The following FBLN2 variants were observed in gnomAD, a reference collection of about 807,000 sequenced individuals.
FBLN2 encodes fibulin 2.
A neutral mutation model predicts 123.7 loss-of-function variants in FBLN2; 81 were observed. The observed-to-expected ratio is 0.65, with a 90% CI of 0.55 to 0.79. The LOEUF (loss-of-function observed/expected upper bound fraction) is 0.79. Ranked by LOEUF, FBLN2 falls within the 30% of genes least tolerant of loss-of-function variation. The probability of loss-of-function intolerance (pLI) is 0.00; values close to 1 mark genes in which losing one functional copy is unlikely to be tolerated. For missense variants in FBLN2, 1,603 were observed against 1,681.3 expected (o/e 0.95, Z 0.81); for synonymous variants, 699 against 701.4 (o/e 1.00, Z 0.05).
chr3:13,586,732 C>G (rs995361109), intron 2 of FBLN2, among the ~76,000 whole-genome samples: 14 of 147,038 alleles, frequency 9.5e-5, no homozygotes, highest in Admixed American at 8.9e-4. Context: ...TGGTTGCTAA[C>G]TCCTGAGCTC....
intron 5 of FBLN2, among the ~76,000 whole-genome samples, chr3:13,616,284 G>A (rs1204852260): frequency 1.3e-5 from 2 of 152,312 alleles, no homozygotes; most frequent in East Asian, 1.9e-4. Context: ...GAGGAAGTCC[G>A]GCTTCAAAAG....
At chr3:13,616,662 G>A (rs1574986660) in intron 5 of FBLN2, among the ~76,000 whole-genome samples, 1 of 152,344 alleles carries the variant, frequency 6.6e-6, no homozygotes, top group East Asian at 1.9e-4. Flanking sequence ...GGGTGGGAAG[G>A]AGGCCCTGGG....
At chr3:13,574,868 G>A (rs531669071) in intron 2 of FBLN2, among the ~76,000 whole-genome samples, 53 of 152,216 alleles carry the variant, frequency 3.5e-4, no homozygotes, top group African/African-American at 1.3e-3. Context: ...CCCACCCGCT[G>A]GGCTTCCATC....
intron 10 of FBLN2, 30 bp from the exon 11 acceptor site, chr3:13,627,802 A>T (rs1559426153): frequency 1.2e-6 from 2 of 1,601,074 alleles, no homozygotes; most frequent in Non-Finnish European, 8.5e-7. Flanking sequence ...CCTGCCCCCC[A>T]GCCCTTGACA....
At chr3:13,613,218 G>A (rs1705462695) in intron 4 of FBLN2, among the ~76,000 whole-genome samples, 1 of 152,298 alleles carries the variant, frequency 6.6e-6, no homozygotes, top group South Asian at 2.1e-4. Context: ...CATTCTATTG[G>A]CCAAAGCAAG....
chr3:13,588,247 G>T (rs1704569042), intron 2 of FBLN2, among the ~76,000 whole-genome samples: 1 of 152,238 alleles, frequency 6.6e-6, no homozygotes, highest in African/African-American at 2.4e-5. Flanking sequence ...GGACAGGTGT[G>T]TCGCCTAGGA....
rs539708416 is a variant in FBLN2, at chr3:13,581,223, G to A, written c.1306+9562G>A. 2.4e-3 allele frequency among the ~76,000 whole-genome samples: 351 copies of A among 144,788 alleles called. 2 individuals carry two copies. Among genetic ancestry groups the A allele is most frequent in the African/African-American group, 8.9e-3 (334 of 37,644 alleles). The allele number at this position is 144,788 out of a possible 152,430, so 95.0% of individuals were successfully genotyped here. On this transcript the variant is annotated intron_variant, in intron 2 of 17. Transcript: ENST00000404922. ...AAGTCAGGGGCGGCAGGTGGGGGGT[G>A]GGGGGGAGGTGTGGGCCTGGGGCAC...
In FBLN2 at chr3:13,570,834, G is replaced by C; in HGVS notation, c.479G>C (p.Cys160Ser). 1 of 1,607,410 alleles carries C rather than the reference G, an allele frequency of 6.2e-7. No homozygotes were observed. The highest frequency in any genetic ancestry group is 8.5e-7 in the Non-Finnish European group (1 of 1,177,532). ...HTVHLPPCRA[C>S]HCPDAGGELI... ...GTTCACCTGCCGCCCTGCCGGGCCTGCCACTGCCCTGACGCCGGTGGAGAG... is the reference window on the plus strand; with the variant it reads ...GTTCACCTGCCGCCCTGCCGGGCCTCCCACTGCCCTGACGCCGGTGGAGAG... Residue 160 changes from cysteine to serine, a missense_variant, in exon 2 of 18, where the codon TGC becomes TCC. By Grantham distance (112) the Cys-to-Ser change is moderately radical. Transcript: ENST00000404922.
Position 13,629,962 on chromosome 3 carries a change from C to T in FBLN2, c.2968+17C>T. On this transcript the variant is annotated intron_variant, in intron 14 of 17. Transcript: ENST00000404922. ...GCTGTGAAGGTAGGCTGGCCCTCAT[C>T]TCTGACCCTATGCCGCCTGGTATCT... 6.2e-7 allele frequency: 1 copy of T among 1,609,652 alleles called. No individual in the cohort carries two copies.
At position 13,628,880 on chromosome 3, in the gene FBLN2, C is replaced by G. The variant is rs759489597; in HGVS notation, c.2570-25C>G. On this transcript the variant is annotated intron_variant, in intron 11 of 17. Coordinates refer to ENST00000404922, the MANE Select transcript of FBLN2 (RefSeq NM_001004019.2). ...CTGGGAGGACACCATGCCGGGCTCC[C>G]TGTCACCTACACCTGCCTCTGCAGA... 3.7e-6 allele frequency: 6 copies of G among 1,606,394 alleles called. No homozygotes were observed. In the African/African-American group the frequency reaches 5.4e-5, roughly 14 times the overall value.
intron 8 of FBLN2, among the ~76,000 whole-genome samples, chr3:13,620,743 G>A (rs201866592): frequency 1.3e-5 from 2 of 152,352 alleles, no homozygotes; most frequent in East Asian, 3.9e-4. Context: ...AGACCCTGGT[G>A]GGTGTCTGGG....
At chr3:13,563,649 C>T (rs544399970) in intron 1 of FBLN2, among the ~76,000 whole-genome samples, 67 of 152,366 alleles carry the variant, frequency 4.4e-4, no homozygotes, top group Admixed American at 1.6e-3. Flanking sequence ...TAAGACAGTG[C>T]GCAGCTCACA....
chr3:13,634,288 G>A (rs1045495645), intron 16 of FBLN2, among the ~76,000 whole-genome samples: 1 of 152,238 alleles, frequency 6.6e-6, no homozygotes, highest in African/African-American at 2.4e-5. Context: ...TGGATACGGG[G>A]CCTAGTCCAG....
At chr3:13,563,602 G>GT (rs1298899087) in intron 1 of FBLN2, among the ~76,000 whole-genome samples, 7 of 152,164 alleles carry the variant, frequency 4.6e-5, no homozygotes, top group African/African-American at 1.7e-4. Context: ...GCCCTCAAGC[G>GT]TCCCTGCCTC....
Position 13,629,272 on chromosome 3 carries a change from C to T in FBLN2, c.2822C>T (p.Ala941Val), listed in dbSNP as rs1238490381. The T allele has an allele frequency of 5.0e-6, 8 of 1,611,644 alleles. No homozygotes were observed. The highest frequency in any genetic ancestry group is 6.8e-6 in the Non-Finnish European group (8 of 1,179,348). The part of the protein sequence containing the change: ...CDCKAGFQRD[A>V]FGRGCIDVNE... ...TGCAAAGCCGGCTTTCAGCGGGATG[C>T]CTTTGGCCGGGGCTGCATCGGTAGG... The change falls in exon 13 of 18, where the codon GCC becomes GTC. Residue 941 changes from alanine to valine, a missense_variant. By Grantham distance (64) the Ala-to-Val change is moderately conservative. Transcript: ENST00000404922.
At chr3:13,567,103 G>C (rs1426901301) in intron 1 of FBLN2, among the ~76,000 whole-genome samples, 1 of 152,098 alleles carries the variant, frequency 6.6e-6, no homozygotes. Flanking sequence ...TGGACAGAAT[G>C]TGATGCTGGG....
Position 13,571,321 on chromosome 3 carries a change from G to C in FBLN2, c.966G>C (p.Glu322Asp), listed in dbSNP as rs776246797. The C allele has an allele frequency of 2.5e-6, 4 of 1,603,188 alleles. No homozygotes were observed. Among genetic ancestry groups the C allele is most frequent in the Middle Eastern group, 1.7e-4 (1 of 6,052 alleles). Residue 322 changes from glutamate to aspartate, a missense_variant, in exon 2 of 18, where the codon GAG (glutamate) becomes GAC (aspartate). Physicochemically the swap from Glu to Asp is conservative, Grantham distance 45. Coordinates refer to ENST00000404922, the MANE Select transcript of FBLN2 (RefSeq NM_001004019.2). ...GACCCAGTCTTCCTATCCAGGAGGA[G>C]AGGGCAGAAGCTGGGGCAAGGGCAG... ...PAGPSLPIQE[E>D]RAEAGARAEA...
At chr3:13,568,688 C>A in intron 1 of FBLN2, 2 of 843,330 alleles carry the variant, frequency 2.4e-6, no homozygotes, top group Non-Finnish European at 2.9e-6. Context: ...TCCTCTTCCG[C>A]CGGACTGACA....
intron 2 of FBLN2, among the ~76,000 whole-genome samples, chr3:13,585,777 G>A (rs1704477572): frequency 1.3e-5 from 2 of 152,150 alleles, no homozygotes; most frequent in Non-Finnish European, 2.9e-5. Context: ...GGCAACAAGA[G>A]TGAAACTCTG....
Sources: allele counts gnomAD v4.1 joint callset (sites outside exome capture counted in the v4.1 genomes callset), GRCh38; gene constraint gnomAD v4.1.1; transcripts MANE v1.5; gene names NCBI Gene and HGNC (gene_info 2026-07-23, HGNC 2026-07-21).